ADAMTSL3: variants seen among roughly 807,000 people sequenced by gnomAD.
The protein encoded by ADAMTSL3 is ADAMTS-like protein 3.
ADAMTSL3 carries 128 observed loss-of-function variants against 201.7 expected under a neutral mutation model. The ratio of observed to expected loss-of-function variants is 0.63; its 90% CI spans 0.55 to 0.73. The LOEUF (loss-of-function observed/expected upper bound fraction) is 0.73, where lower values mean the gene tolerates loss of function less well. ADAMTSL3 is among the 30% of genes least tolerant of loss of function. The probability of loss-of-function intolerance (pLI) is 0.00; values close to 1 mark genes in which losing one functional copy is unlikely to be tolerated. For missense variants in ADAMTSL3, 1,990 were observed against 2,119.6 expected, an observed-to-expected ratio of 0.94 and a Z score of 1.20; for synonymous variants, 738 against 748.4, an observed-to-expected ratio of 0.99 and a Z score of 0.23.
chr15:83,740,375 A>G (rs1472327583), intron 3 of ADAMTSL3, among the ~76,000 whole-genome samples: 1 of 152,222 alleles, frequency 6.6e-6, no homozygotes, highest in Non-Finnish European at 1.5e-5. Flanking sequence ...AATCACACCA[A>G]ATCTATCCAT....
chr15:83,707,297 AT>A (rs2061866792), intron 3 of ADAMTSL3, among the ~76,000 whole-genome samples: 1 of 152,198 alleles, frequency 6.6e-6, no homozygotes, highest in Admixed American at 6.5e-5. Flanking sequence ...CCTGGTACAT[AT>A]AAGCATTTAA....
chr15:83,931,976 CAAATG>C (rs1450362007), intron 17 of ADAMTSL3, among the ~76,000 whole-genome samples: 1 of 152,090 alleles, frequency 6.6e-6, no homozygotes, highest in East Asian at 1.9e-4. Context: ...TCAAGAGAAA[CAAATG>C]AAAATAAATC....
chr15:83,899,782 G>T, intron 15 of ADAMTSL3, 51 bp downstream of exon 15: 1 of 1,575,172 alleles, frequency 6.3e-7, no homozygotes, highest in Non-Finnish European at 8.6e-7. Flanking sequence ...CAGTTAACAT[G>T]ATATATGTAA....
intron 3 of ADAMTSL3, among the ~76,000 whole-genome samples, chr15:83,726,652 A>G (rs1435599235): frequency 9.2e-5 from 14 of 152,270 alleles, no homozygotes; most frequent in East Asian, 5.8e-4. Context: ...AATTGAAATC[A>G]TCATATGGTT....
intron 23 of ADAMTSL3, among the ~76,000 whole-genome samples, chr15:84,007,779 T>C (rs2067921537): frequency 6.6e-6 from 1 of 152,138 alleles, no homozygotes; most frequent in African/African-American, 2.4e-5. Flanking sequence ...GGCTATTGTG[T>C]TGAAAATAGA....
At chr15:83,779,931 A>G (rs566507118) in intron 4 of ADAMTSL3, among the ~76,000 whole-genome samples, 1 of 152,264 alleles carries the variant, frequency 6.6e-6, no homozygotes, top group East Asian at 1.9e-4. Flanking sequence ...AGCTAAGGCA[A>G]TGTTAAGAGG....
intron 5 of ADAMTSL3, among the ~76,000 whole-genome samples, chr15:83,806,950 A>G (rs1378028925): frequency 6.6e-6 from 1 of 152,234 alleles, no homozygotes; most frequent in Admixed American, 6.5e-5. Flanking sequence ...CTTGAGTAAC[A>G]AACTCCAAAG....
In ADAMTSL3 at chr15:83,914,240, T is replaced by C. The variant is rs2065988348; in HGVS notation, c.1987+862T>C. On this transcript the variant is annotated intron_variant, in intron 16 of 29. Transcript: ENST00000286744. ...TGGTGGGAAAAACACAAGGAGATGC[T>C]GTCTTAGAGCTCTTGGCTCAAGATC... 2.6e-5 allele frequency among the ~76,000 whole-genome samples: 4 copies of C among 152,260 alleles called. 1 individual carries two copies. The South Asian group carries it at 8.3e-4, about 32-fold the overall frequency.
intron 20 of ADAMTSL3, among the ~76,000 whole-genome samples, chr15:83,976,039 A>G (rs572733211): frequency 4.2e-4 from 64 of 152,318 alleles, no homozygotes; most frequent in Non-Finnish European, 7.5e-4. Flanking sequence ...GATGAATTCT[A>G]ATGATGTTTC....
At chr15:83,790,552 A>T (rs142100375) in intron 4 of ADAMTSL3, among the ~76,000 whole-genome samples, 17 of 152,194 alleles carry the variant, frequency 1.1e-4, no homozygotes, top group African/African-American at 4.1e-4. Context: ...AACTCTCAGA[A>T]AAATAGAAAC....
intron 10 of ADAMTSL3, among the ~76,000 whole-genome samples, chr15:83,885,452 A>C (rs571262218): frequency 1.4e-4 from 22 of 152,146 alleles, no homozygotes; most frequent in African/African-American, 5.1e-4. Context: ...AAAAAAAAAA[A>C]ACAAAACAAA....
intron 27 of ADAMTSL3, among the ~76,000 whole-genome samples, chr15:84,029,930 A>G (rs2068374541): frequency 6.6e-6 from 1 of 152,252 alleles, no homozygotes; most frequent in African/African-American, 2.4e-5. Flanking sequence ...GCAAGCCCCA[A>G]CCCTTGGCAG....
At chr15:83,975,237 T>C (rs537950919) in intron 20 of ADAMTSL3, among the ~76,000 whole-genome samples, 1,565 of 151,800 alleles carry the variant, frequency 0.01, 10 homozygotes, top group Non-Finnish European at 0.016. Flanking sequence ...CTCCTGACCT[T>C]GTGATCCACC....
chr15:83,968,171 A>G (rs910503390), intron 19 of ADAMTSL3, among the ~76,000 whole-genome samples: 3 of 152,258 alleles, frequency 2.0e-5, no homozygotes, highest in African/African-American at 4.8e-5. Context: ...ACAAAAGCCA[A>G]AATTGACAAA....
intron 17 of ADAMTSL3, 81 bp downstream of exon 17, chr15:83,924,114 G>T: frequency 6.5e-7 from 1 of 1,537,202 alleles, no homozygotes; most frequent in Non-Finnish European, 8.8e-7. Flanking sequence ...CCTAAGTGCA[G>T]ACTTGTGGCT....
chr15:83,953,125 A>C (rs754001282), intron 19 of ADAMTSL3, among the ~76,000 whole-genome samples: 4 of 152,284 alleles, frequency 2.6e-5, no homozygotes, highest in Admixed American at 2.6e-4. Flanking sequence ...GTCCATTTAC[A>C]TTAAGTGTTA....
chr15:83,658,133 A>G (rs74756041), intron 2 of ADAMTSL3, among the ~76,000 whole-genome samples: 2,319 of 152,286 alleles, frequency 0.015, 70 homozygotes, highest in African/African-American at 0.053. Flanking sequence ...CTTTTGAGAC[A>G]TGGTTTCACA....
chr15:83,733,756 C>T (rs968330699), intron 3 of ADAMTSL3, among the ~76,000 whole-genome samples: 9 of 152,142 alleles, frequency 5.9e-5, no homozygotes, highest in African/African-American at 1.7e-4. Context: ...TTGTTGACAG[C>T]ACTCATGTTT....
chr15:83,999,427 G>A (rs1237454483), intron 23 of ADAMTSL3, among the ~76,000 whole-genome samples: 1 of 152,158 alleles, frequency 6.6e-6, no homozygotes, highest in Non-Finnish European at 1.5e-5. Flanking sequence ...TAACTAAATA[G>A]GGCATTAAAA....
Sources: allele counts gnomAD v4.1 joint callset (sites outside exome capture counted in the v4.1 genomes callset), GRCh38; gene constraint gnomAD v4.1.1; transcripts MANE v1.5; gene names NCBI Gene and HGNC (gene_info 2026-07-23, HGNC 2026-07-21).